PLCH1: variants seen among roughly 807,000 people sequenced by gnomAD.
PLCH1 encodes the protein 1-phosphatidylinositol 4,5-bisphosphate phosphodiesterase eta-1.
PLCH1 carries 60 observed loss-of-function variants against 126.7 expected under a neutral mutation model. That is an observed-to-expected ratio of 0.47 (90% CI 0.38 to 0.59). The LOEUF (loss-of-function observed/expected upper bound fraction) is 0.59. Ranked by LOEUF, PLCH1 falls within the 20% of genes least tolerant of loss-of-function variation. PLCH1 has a pLI of 0.00. For synonymous variants in PLCH1, 719 were observed against 734.9 expected (o/e 0.98, Z 0.35); for missense variants, 1,723 against 2,040.0 (o/e 0.84, Z 2.99).
At chr3:155,567,472 A>G (rs1197117179) in intron 7 of PLCH1, among the ~76,000 whole-genome samples, 3 of 152,180 alleles carry the variant, frequency 2.0e-5, no homozygotes, top group Admixed American at 2.0e-4. Context: ...CTGATCTGGG[A>G]GCAGAAGAAA....
chr3:155,594,292 T>C, intron 3 of PLCH1, 108 bp from the exon 4 acceptor site: 4 of 1,033,660 alleles, frequency 3.9e-6, no homozygotes, highest in Non-Finnish European at 4.2e-6. Context: ...AAAATAAGTA[T>C]GAGGCTGGGT....
At chr3:155,665,571 G>C (rs1577277715) in intron 2 of PLCH1, among the ~76,000 whole-genome samples, 2 of 152,164 alleles carry the variant, frequency 1.3e-5, no homozygotes, top group Admixed American at 1.3e-4. Context: ...AAAGGACTTG[G>C]AGAGAACAAG....
At chr3:155,694,474 T>C (rs1308023154) in intron 2 of PLCH1, among the ~76,000 whole-genome samples, 1 of 152,214 alleles carries the variant, frequency 6.6e-6, no homozygotes, top group Non-Finnish European at 1.5e-5. Flanking sequence ...CGTGAAATTC[T>C]CACATTGGCA....
chr3:155,461,859 A>G lies in PLCH1; in HGVS notation c.2938+23497T>C, dbSNP rs527253217. Among the ~76,000 whole-genome samples the G allele has an allele frequency of 1.6e-3, 243 of 152,302 alleles. 2 individuals carry two copies. The highest frequency in any genetic ancestry group is 5.7e-3 in the African/African-American group (235 of 41,584). On this transcript the variant is annotated intron_variant, in intron 21 of 21. Coordinates refer to the PLCH1 transcript ENST00000494598. ...TGGTCAATCCAATGCTTGCATGATG[A>G]TGGGCTCATAAACAAAGTGGCCATA...
intron 10 of PLCH1, among the ~76,000 whole-genome samples, chr3:155,539,504 C>A (rs190801371): frequency 1.3e-5 from 2 of 152,202 alleles, no homozygotes; most frequent in African/African-American, 4.8e-5. Flanking sequence ...ACCTAGAAAA[C>A]CCTAAAGGCT....
At position 155,529,290 on chromosome 3, in the gene PLCH1, A is replaced by G. The variant is rs146538130; in HGVS notation, c.1363-5286T>C. On this transcript the variant is annotated intron_variant, in intron 10 of 22. Coordinates refer to ENST00000460012, the MANE Select transcript of PLCH1 (RefSeq NM_014996.4). ...TATCTGGCTGCACAGCCCCAGGAGA[A>G]TGCAAACAACTCCGCGATTCACATC... 3.2e-3 allele frequency among the ~76,000 whole-genome samples: 494 copies of G among 152,338 alleles called. 2 individuals are homozygous for G. The highest frequency in any genetic ancestry group is 5.7e-3 in the Non-Finnish European group (391 of 68,034).
chr3:155,678,056 C>T (rs1373426713), intron 2 of PLCH1, among the ~76,000 whole-genome samples: 1 of 152,188 alleles, frequency 6.6e-6, no homozygotes, highest in African/African-American at 2.4e-5. Flanking sequence ...GACCAAAGCA[C>T]TCCCAGCTCC....
At chr3:155,715,680 A>G (rs1747449508) in intron 1 of PLCH1, among the ~76,000 whole-genome samples, 1 of 146,522 alleles carries the variant, frequency 6.8e-6, no homozygotes, top group Admixed American at 7.0e-5. Context: ...TGGCATGATC[A>G]TGGCTCACTG....
At chr3:155,546,186 A>G (rs1038627518) in intron 10 of PLCH1, among the ~76,000 whole-genome samples, 10 of 152,218 alleles carry the variant, frequency 6.6e-5, no homozygotes, top group Non-Finnish European at 1.0e-4. Context: ...CAACTTCAGC[A>G]AAGTCTCAGG....
chr3:155,689,732 A>G (rs1277552217), intron 2 of PLCH1, among the ~76,000 whole-genome samples: 1 of 152,066 alleles, frequency 6.6e-6, no homozygotes, highest in Admixed American at 6.6e-5. Flanking sequence ...TAGTCAGAGG[A>G]GAAAAACAGA....
chr3:155,689,459 G>A (rs538773807), intron 2 of PLCH1, among the ~76,000 whole-genome samples: 8 of 152,144 alleles, frequency 5.3e-5, no homozygotes, highest in Middle Eastern at 3.4e-3. Context: ...CAATTCTGGA[G>A]AAACAGAGAT....
chr3:155,738,943 A>C (rs1192110759), intron 1 of PLCH1, among the ~76,000 whole-genome samples: 2 of 150,430 alleles, frequency 1.3e-5, no homozygotes, highest in African/African-American at 4.9e-5. Flanking sequence ...TCAAAAAAAT[A>C]TACAAAAATA....
chr3:155,577,647 A>G (rs1449015220), intron 6 of PLCH1, among the ~76,000 whole-genome samples: 1 of 152,216 alleles, frequency 6.6e-6, no homozygotes, highest in Non-Finnish European at 1.5e-5. Flanking sequence ...GCTAATTTAG[A>G]AAATTAAACT....
At chr3:155,458,629 G>A (rs1712591736) in intron 21 of PLCH1, among the ~76,000 whole-genome samples, 1 of 152,108 alleles carries the variant, frequency 6.6e-6, no homozygotes. Flanking sequence ...AAGAAAAAAA[G>A]TGTGGGTAAA....
At chr3:155,697,147 A>T (rs1314651053) in intron 2 of PLCH1, among the ~76,000 whole-genome samples, 1 of 152,210 alleles carries the variant, frequency 6.6e-6, no homozygotes, top group Non-Finnish European at 1.5e-5. Context: ...ATAGAGGCTG[A>T]TACACCTCAA....
Position 155,523,885 on chromosome 3 carries a change from C to A in PLCH1, c.1470+12G>T, listed in dbSNP as rs555067047. 5.5e-6 allele frequency: 8 copies of A among 1,467,772 alleles called. No individual in the cohort carries two copies. The East Asian group carries it at 1.6e-4, about 29-fold the overall frequency. 90.9% of individuals were successfully genotyped at this position (1,467,772 alleles called of 1,614,324 possible). The stretch of plus-strand genomic sequence containing the variant: ...ATCAAGGATAAAAAATATGGTCATG[C>A]CTGCAACTTACATAATGGAGCTTGA... On this transcript the variant is annotated intron_variant, in intron 11 of 22. Transcript: ENST00000460012.
intron 1 of PLCH1, among the ~76,000 whole-genome samples, chr3:155,716,653 C>A (rs911458094): frequency 1.2e-4 from 18 of 152,164 alleles, no homozygotes; most frequent in Admixed American, 9.8e-4. Context: ...GTGAGGACAG[C>A]ACCAAGGCAT....
At chr3:155,684,470 T>C (rs1378092401) in intron 2 of PLCH1, among the ~76,000 whole-genome samples, 4 of 152,062 alleles carry the variant, frequency 2.6e-5, no homozygotes, top group African/African-American at 9.7e-5. Context: ...GAGACTCTCC[T>C]GAGAACAGGA....
chr3:155,624,361 C>T (rs1324994921), intron 2 of PLCH1, among the ~76,000 whole-genome samples: 12 of 152,320 alleles, frequency 7.9e-5, no homozygotes, highest in Admixed American at 1.3e-4. Flanking sequence ...TGCCCTCTCT[C>T]ACCACTCCTA....
Sources: gnomAD v4.1 joint callset for allele counts (sites outside exome capture counted in the v4.1 genomes callset) on GRCh38, gnomAD v4.1.1 for gene constraint, MANE v1.5 for transcripts, NCBI Gene and HGNC (gene_info 2026-07-23, HGNC 2026-07-21) for gene names.